Variants in FBXL17 observed in about 807,000 individuals in gnomAD.
The protein encoded by FBXL17 is F-box/LRR-repeat protein 17.
Under a neutral mutation model 66.2 loss-of-function variants are expected in FBXL17, and 22 were observed. The observed-to-expected ratio is 0.33, with a 90% CI of 0.24 to 0.47. The LOEUF (loss-of-function observed/expected upper bound fraction) is 0.47. Among genes scored for constraint, FBXL17 ranks in the 20% least tolerant of loss-of-function variants. The probability of loss-of-function intolerance (pLI) is 1.00; values close to 1 mark genes in which losing one functional copy is unlikely to be tolerated. For synonymous variants in FBXL17, 474 were observed against 400.5 expected (o/e 1.18, Z -2.19); for missense variants, 878 against 948.2 (o/e 0.93, Z 0.97).
At chr5:108,249,051 C>G (rs1451178249) in intron 4 of FBXL17, among the ~76,000 whole-genome samples, 1 of 152,130 alleles carries the variant, frequency 6.6e-6, no homozygotes, top group African/African-American at 2.4e-5. Flanking sequence ...CTCTTCTCTT[C>G]AGTTTTCTAA....
intron 6 of FBXL17, among the ~76,000 whole-genome samples, chr5:108,093,595 T>G (rs1749265836): frequency 6.6e-6 from 1 of 152,226 alleles, no homozygotes; most frequent in Non-Finnish European, 1.5e-5. Context: ...ATACAGTGTT[T>G]ACTGCCTTAG....
chr5:108,272,900 C>T (rs140976815), intron 4 of FBXL17, among the ~76,000 whole-genome samples: 2 of 152,092 alleles, frequency 1.3e-5, no homozygotes, highest in African/African-American at 2.4e-5. Context: ...TAACTATCAG[C>T]GAACCTGCCC....
chr5:108,324,881 G>C (rs1443587583), intron 4 of FBXL17, among the ~76,000 whole-genome samples: 2 of 152,072 alleles, frequency 1.3e-5, no homozygotes, highest in African/African-American at 4.8e-5. Flanking sequence ...AGCCAGTCAT[G>C]AAAAGGCAAT....
At chr5:108,009,276 T>TAGATAGATAGATAG (rs1304437287) in intron 7 of FBXL17, among the ~76,000 whole-genome samples, 2 of 20,726 alleles carry the variant, frequency 9.6e-5, no homozygotes. Context: ...TATATATATA[T>TAGATAGATAGATAG]ATATATATAT....
chr5:108,094,417 G>A (rs1026233723), intron 6 of FBXL17, among the ~76,000 whole-genome samples: 1 of 152,056 alleles, frequency 6.6e-6, no homozygotes, highest in African/African-American at 2.4e-5. Flanking sequence ...ATGCCAGCAG[G>A]ACAAGTGTTG....
chr5:108,359,632 G>C (rs541283687), intron 3 of FBXL17, among the ~76,000 whole-genome samples: 78 of 152,128 alleles, frequency 5.1e-4, no homozygotes, highest in African/African-American at 1.9e-3. Flanking sequence ...TTGATTTCCA[G>C]ATTCATTCCA....
At chr5:108,319,968 T>C (rs911305450) in intron 4 of FBXL17, among the ~76,000 whole-genome samples, 4 of 151,648 alleles carry the variant, frequency 2.6e-5, no homozygotes, top group Non-Finnish European at 4.4e-5. Context: ...TACTTACACA[T>C]CATGAAAAAT....
chr5:108,277,656 T>C (rs1393801348), intron 4 of FBXL17, among the ~76,000 whole-genome samples: 1 of 152,116 alleles, frequency 6.6e-6, no homozygotes, highest in Non-Finnish European at 1.5e-5. Flanking sequence ...GAAGCAGTAA[T>C]TGGTACAAAG....
intron 6 of FBXL17, among the ~76,000 whole-genome samples, chr5:108,090,012 G>C (rs1202629111): frequency 6.6e-6 from 1 of 152,026 alleles, no homozygotes; most frequent in Non-Finnish European, 1.5e-5. Context: ...GTTTTTTGTA[G>C]AGATGGGGTT....
chr5:108,203,939 A>G, intron 5 of FBXL17, among the ~76,000 whole-genome samples: 1 of 152,120 alleles, frequency 6.6e-6, no homozygotes, highest in East Asian at 1.9e-4. Flanking sequence ...TCCAACCATA[A>G]GCACTTTTAA....
chr5:108,201,426 T>C (rs542242415), intron 5 of FBXL17, among the ~76,000 whole-genome samples: 2 of 152,212 alleles, frequency 1.3e-5, no homozygotes, highest in East Asian at 3.9e-4. Context: ...GTAAAAATGG[T>C]TCTGAAATAA....
At chr5:108,097,776 G>A (rs1181271700) in intron 6 of FBXL17, among the ~76,000 whole-genome samples, 2 of 119,118 alleles carry the variant, frequency 1.7e-5, no homozygotes, top group Admixed American at 9.0e-5. Context: ...AAGACAGAGC[G>A]AGACTCCAGA....
At chr5:108,294,225 G>GTATATATATATTCTTACTGAA (rs1248905718) in intron 4 of FBXL17, among the ~76,000 whole-genome samples, 3 of 140,884 alleles carry the variant, frequency 2.1e-5, no homozygotes, top group African/African-American at 7.8e-5. Flanking sequence ...TATATATATG[G>GTATATATATATTCTTACTGAA]TATATATATA....
At chr5:108,003,514 G>C (rs1396561311) in intron 7 of FBXL17, among the ~76,000 whole-genome samples, 2 of 151,894 alleles carry the variant, frequency 1.3e-5, no homozygotes, top group Non-Finnish European at 2.9e-5. Context: ...AGAAAGAAAA[G>C]AATAAAACCC....
At chr5:107,992,631 T>G (rs888725612) in intron 7 of FBXL17, among the ~76,000 whole-genome samples, 1 of 152,188 alleles carries the variant, frequency 6.6e-6, no homozygotes, top group Non-Finnish European at 1.5e-5. Context: ...GGGGTACACA[T>G]TTTAAAAATT....
intron 4 of FBXL17, among the ~76,000 whole-genome samples, chr5:108,334,563 G>T (rs544327567): frequency 6.6e-6 from 1 of 152,254 alleles, no homozygotes; most frequent in African/African-American, 2.4e-5. Flanking sequence ...GTAGGTAGAG[G>T]GTTAGGGTAC....
At chr5:108,379,012 T>C (rs138431165) in intron 1 of FBXL17, among the ~76,000 whole-genome samples, 198 of 152,262 alleles carry the variant, frequency 1.3e-3, no homozygotes, top group African/African-American at 4.6e-3. Flanking sequence ...ATACACACAA[T>C]AGGGCAAGCC....
intron 4 of FBXL17, among the ~76,000 whole-genome samples, chr5:108,335,228 C>CT (rs1760320813): frequency 7.0e-6 from 1 of 143,314 alleles, no homozygotes; most frequent in South Asian, 2.2e-4. Flanking sequence ...CCCACTCCCC[C>CT]ACCCCCCCCC....
chr5:107,996,059 C>T (rs751340530), intron 7 of FBXL17, among the ~76,000 whole-genome samples: 1 of 152,020 alleles, frequency 6.6e-6, no homozygotes, highest in Non-Finnish European at 1.5e-5. Flanking sequence ...TTGGTTATGA[C>T]CAAAAACTCA....
Sources: allele counts gnomAD v4.1 joint callset (sites outside exome capture counted in the v4.1 genomes callset), GRCh38; gene constraint gnomAD v4.1.1; transcripts MANE v1.5; gene names NCBI Gene and HGNC (gene_info 2026-07-23, HGNC 2026-07-21).